NHSL1: variants seen among roughly 807,000 people sequenced by gnomAD.
The protein encoded by NHSL1 is NHS-like protein 1.
NHSL1 carries 48 observed loss-of-function variants against 95.0 expected under a neutral mutation model. The observed-to-expected ratio is 0.51, with a 90% confidence interval of 0.40 to 0.64. The LOEUF (loss-of-function observed/expected upper bound fraction) is 0.64. NHSL1 is among the 30% of genes least tolerant of loss of function. NHSL1 has a pLI of 0.00. For missense variants in NHSL1, 1,971 were observed against 2,077.7 expected (o/e 0.95, Z 1.00); for synonymous variants, 783 against 833.9 (o/e 0.94, Z 1.05).
At chr6:138,530,873 G>C (rs901492702) in intron 1 of NHSL1, among the ~76,000 whole-genome samples, 2 of 152,120 alleles carry the variant, frequency 1.3e-5, no homozygotes, top group African/African-American at 4.8e-5. Context: ...TGCTCAGGTG[G>C]CAAGTGCACC....
Position 138,431,370 on chromosome 6 carries a change from G to A in NHSL1, c.2975C>T (p.Pro992Leu), listed in dbSNP as rs959829410. 4.5e-6 allele frequency: 7 copies of A among 1,546,862 alleles called. No homozygotes were observed. The East Asian group carries it at 7.3e-5, about 16-fold the overall frequency. Residue 992 changes from proline to leucine, a missense_variant, in exon 6 of 8, where the codon CCT (proline) becomes CTT (leucine). Transcript: ENST00000343505. This position sits in a 1 kb window ranked among gnomAD's most constrained non-coding sequence, Gnocchi z 4.0. The part of the protein sequence containing the change: ...FCSPPDWCLS[P>L]PRPALSPILP... ...AATGGGGCTCAGTGCAGGGCGGGGA[G>A]GAGAAAGGCACCAATCAGGTGGGGA...
At chr6:138,562,021 AC>A (rs1259415648) in intron 1 of NHSL1, among the ~76,000 whole-genome samples, 1 of 152,242 alleles carries the variant, frequency 6.6e-6, no homozygotes, top group Admixed American at 6.5e-5. Flanking sequence ...GCTGAATTCA[AC>A]GGAACAGAGA....
chr6:138,423,815 CAAAAAAA>C lies in NHSL1; in HGVS notation c.*259_*265del, dbSNP rs56326954. 1,724 of 138,978 alleles carry C rather than the reference CAAAAAAA, an allele frequency of 0.012. 9 individuals are homozygous for C. The highest frequency in any genetic ancestry group is 0.023 in the Admixed American group (225 of 9,740). The allele number at this position is 138,978 out of a possible 1,614,324, so 8.6% of individuals were successfully genotyped here. The stretch of plus-strand genomic sequence containing the variant: ...GCACACATACACACCCAGCATTTAG[CAAAAAAA>C]AAAAAAAAAAAAAAAAATCTTCCCC... On this transcript the variant is annotated 3_prime_UTR_variant, in exon 8 of 8. Transcript: ENST00000343505.
rs116328704 is a variant in NHSL1 at position 138,425,753 on chromosome 6, C to T, written c.4086-937G>A. ...AGGTCCTAGAACAACTCCTCAGCTT[C>T]ACATTCTCAGTTATTCTAGAAGTTG... On this transcript the variant is annotated intron_variant, in intron 7 of 7. Coordinates refer to ENST00000343505, the MANE Select transcript of NHSL1 (RefSeq NM_001144060.2). Among the ~76,000 whole-genome samples the T allele has an allele frequency of 1.8e-3, 278 of 152,334 alleles. 1 individual carries two copies. Among genetic ancestry groups the T allele is most frequent in the African/African-American group, 6.5e-3 (271 of 41,590 alleles).
chr6:138,572,141 G>T, exon 1 of NHSL1: 1 of 459,394 alleles, frequency 2.2e-6, no homozygotes, highest in Non-Finnish European at 3.8e-6. Context: ...GCCACATTGT[G>T]GACTCCGTTT....
intron 1 of NHSL1, among the ~76,000 whole-genome samples, chr6:138,642,363 T>C (rs1309823446): frequency 6.6e-6 from 1 of 152,182 alleles, no homozygotes; most frequent in African/African-American, 2.4e-5. Flanking sequence ...GGAAAAGACT[T>C]TGAAGAGAAC....
rs1347011213 is a variant in NHSL1 at position 138,424,218 on chromosome 6, C to CTCT, written c.4683_4684insAGA (p.Asp1561_Glu1562insArg). On this transcript the variant is annotated inframe_insertion, in exon 8 of 8. Transcript: ENST00000343505. This position sits in a 1 kb window ranked among gnomAD's most constrained non-coding sequence, Gnocchi z 5.9. ...CCCTCCCCACAGAGCAGGCCGCCCT[C>CTCT]GTCCATCTCCTCCCTCGCCAGTCCG... The CTCT allele has an allele frequency of 1.3e-6, 2 of 1,504,830 alleles. No homozygotes were observed. The highest frequency in any genetic ancestry group is 1.8e-6 in the Non-Finnish European group (2 of 1,128,744). 93.2% of individuals were successfully genotyped at this position (1,504,830 alleles called of 1,614,324 possible).
At position 138,441,864 on chromosome 6, in the gene NHSL1, C is replaced by T. The variant is rs148363222; in HGVS notation, c.664+119G>A. On this transcript the variant is annotated intron_variant, in intron 5 of 7. Transcript: ENST00000343505. ...GCCTCATTCAGGAAGGAAGCTGGCC[C>T]GTTGGGGCACCAAACGGCTATCAGA... 10 of 928,856 alleles carry T rather than the reference C, an allele frequency of 1.1e-5. No homozygotes were observed. In the South Asian group the frequency reaches 1.2e-4, roughly 11 times the overall value. The allele number at this position is 928,856 out of a possible 1,614,324, so 57.5% of individuals were successfully genotyped here. A position where few individuals can be genotyped will look rare whatever the true frequency, so the allele number is the denominator to read the frequency against.
At chr6:138,529,591 C>T (rs977872721) in intron 1 of NHSL1, among the ~76,000 whole-genome samples, 3 of 152,288 alleles carry the variant, frequency 2.0e-5, no homozygotes, top group Admixed American at 6.5e-5. Context: ...ACTTAACTGT[C>T]GGCCAGCCTG....
At chr6:138,487,346 G>A (rs113483803) in intron 2 of NHSL1, among the ~76,000 whole-genome samples, 11 of 152,282 alleles carry the variant, frequency 7.2e-5, no homozygotes, top group African/African-American at 1.9e-4. Context: ...TAATACCACC[G>A]CTATGAACCT....
chr6:138,684,211 C>CAA (rs34122069), intron 1 of NHSL1, among the ~76,000 whole-genome samples: 6 of 129,878 alleles, frequency 4.6e-5, no homozygotes, highest in African/African-American at 1.1e-4. Context: ...GACTCCCTCT[C>CAA]AAAAAAAAAA....
intron 2 of NHSL1, among the ~76,000 whole-genome samples, chr6:138,489,755 CT>C (rs1451411119): frequency 1.1e-4 from 13 of 117,838 alleles, no homozygotes; most frequent in Admixed American, 1.8e-4. Flanking sequence ...GAGCAAGACC[CT>C]GTCTCAAAAA....
chr6:138,672,435 T>G (rs1401783697), intron 1 of NHSL1, among the ~76,000 whole-genome samples: 3 of 152,088 alleles, frequency 2.0e-5, no homozygotes, highest in Non-Finnish European at 2.9e-5. Context: ...AAACTAAAAA[T>G]GGAATTAGGT....
chr6:138,579,074 A>G (rs1342437023), intron 1 of NHSL1, among the ~76,000 whole-genome samples: 1 of 152,194 alleles, frequency 6.6e-6, no homozygotes, highest in Non-Finnish European at 1.5e-5. Flanking sequence ...CCTGGCATGC[A>G]TGGCTCACAA....
chr6:138,510,976 T>C (rs1391706031), intron 1 of NHSL1, among the ~76,000 whole-genome samples: 2 of 152,184 alleles, frequency 1.3e-5, no homozygotes, highest in Non-Finnish European at 1.5e-5. Flanking sequence ...GCAATACAAT[T>C]GGGCACAGAT....
chr6:138,568,424 T>C (rs902038100), intron 1 of NHSL1, among the ~76,000 whole-genome samples: 3 of 152,232 alleles, frequency 2.0e-5, no homozygotes, highest in Non-Finnish European at 4.4e-5. Flanking sequence ...TATTGTCTTA[T>C]CTACCACTGC....
At chr6:138,654,921 G>A (rs1785138095) in intron 1 of NHSL1, among the ~76,000 whole-genome samples, 2 of 152,222 alleles carry the variant, frequency 1.3e-5, no homozygotes, top group East Asian at 1.9e-4. Flanking sequence ...ATATGAGTCA[G>A]AGGATGTGTG....
intron 2 of NHSL1, among the ~76,000 whole-genome samples, chr6:138,478,012 C>CTTTTTTTTTTTTTTTTTTTTTTTT: frequency 3.3e-5 from 1 of 29,996 alleles, no homozygotes; most frequent in Non-Finnish European, 5.8e-5. Context: ...ATTTATGTCA[C>CTTTTTTTTTTTTTTTTTTTTTTTT]TTTTTTTTTT....
At chr6:138,442,829 T>G (rs1776614895) in intron 4 of NHSL1, among the ~76,000 whole-genome samples, 1 of 152,210 alleles carries the variant, frequency 6.6e-6, no homozygotes, top group African/African-American at 2.4e-5. Context: ...GAATGCCACA[T>G]CATAGGACTT....
Sources: allele counts gnomAD v4.1 joint callset (sites outside exome capture counted in the v4.1 genomes callset), GRCh38; gene constraint gnomAD v4.1.1; non-coding constraint Gnocchi (gnomAD v3.1); transcripts MANE v1.5; gene names NCBI Gene and HGNC (gene_info 2026-07-23, HGNC 2026-07-21).